Variants in ROR2 observed in about 807,000 individuals in gnomAD.
The protein encoded by ROR2 is ROR family WNT receptor 2.
ROR2 carries 33 observed loss-of-function variants against 74.9 expected under a neutral mutation model. The observed-to-expected ratio is 0.44, with a 90% confidence interval of 0.33 to 0.59. The LOEUF (loss-of-function observed/expected upper bound fraction) is 0.59, where lower values mean the gene tolerates loss of function less well. Among genes scored for constraint, ROR2 ranks in the 20% least tolerant of loss-of-function variants. The pLI, the probability that ROR2 is intolerant of heterozygous loss-of-function variation, is 0.02. For synonymous variants in ROR2, 586 were observed against 558.7 expected, an observed-to-expected ratio of 1.05 and a Z score of -0.69; for missense variants, 1,216 against 1,313.8, an observed-to-expected ratio of 0.93 and a Z score of 1.15.
intron 1 of ROR2, among the ~76,000 whole-genome samples, chr9:91,859,278 T>C (rs1250732614): frequency 6.8e-6 from 1 of 146,318 alleles, no homozygotes; most frequent in African/African-American, 2.6e-5. Context: ...CTTGGCTCAC[T>C]GCAACCACAG....
intron 1 of ROR2, among the ~76,000 whole-genome samples, chr9:91,915,328 C>T (rs1175495525): frequency 6.6e-6 from 1 of 152,188 alleles, no homozygotes; most frequent in African/African-American, 2.4e-5. Context: ...GGTGCATTTC[C>T]ATCTCCCAAT....
rs1334555626 is a variant in ROR2 at position 91,737,353 on chromosome 9, A to T, written c.622+38T>A. ...ATCTGTGCGACAGATGGCTGTGTGCATGCTTATCATCCTGGGAGAAAGGTC... is the reference window on the plus strand; with the variant it reads ...ATCTGTGCGACAGATGGCTGTGTGCTTGCTTATCATCCTGGGAGAAAGGTC... On this transcript the variant is annotated intron_variant, in intron 5 of 8. Coordinates refer to ENST00000375708, the MANE Select transcript of ROR2 (RefSeq NM_004560.4). 4 of 1,613,826 alleles carry T rather than the reference A, an allele frequency of 2.5e-6. No individual in the cohort carries two copies. In the African/African-American group the frequency reaches 4.0e-5, roughly 16 times the overall value.
chr9:91,756,124 C>A, intron 3 of ROR2, 23 bp from the exon 4 acceptor site: 1 of 1,612,278 alleles, frequency 6.2e-7, no homozygotes. Flanking sequence ...AACAAAAAGA[C>A]AAGTTATTAA....
intron 4 of ROR2, among the ~76,000 whole-genome samples, chr9:91,741,686 G>A (rs1825251787): frequency 1.3e-5 from 2 of 152,116 alleles, no homozygotes. Flanking sequence ...ATCTTATTAT[G>A]AGAGAGGCTG....
At chr9:91,777,589 T>G (rs1826463607) in intron 1 of ROR2, among the ~76,000 whole-genome samples, 1 of 152,052 alleles carries the variant, frequency 6.6e-6, no homozygotes, top group Non-Finnish European at 1.5e-5. Context: ...TGCAATTGAG[T>G]GGTTTTCAGT....
At chr9:91,943,833 T>C (rs1201644524) in intron 1 of ROR2, among the ~76,000 whole-genome samples, 1 of 152,172 alleles carries the variant, frequency 6.6e-6, no homozygotes, top group Non-Finnish European at 1.5e-5. Flanking sequence ...TGTAGAATGT[T>C]AGCATGTTCT....
At chr9:91,869,803 C>T (rs1386673832) in intron 1 of ROR2, among the ~76,000 whole-genome samples, 1 of 152,034 alleles carries the variant, frequency 6.6e-6, no homozygotes, top group Non-Finnish European at 1.5e-5. Flanking sequence ...AAATCTATTT[C>T]GGTGTACTAA....
intron 1 of ROR2, among the ~76,000 whole-genome samples, chr9:91,785,243 G>A (rs775258559): frequency 7.9e-5 from 12 of 152,064 alleles, no homozygotes; most frequent in African/African-American, 9.7e-5. Flanking sequence ...CATGTGGTTC[G>A]ACGCCTCACT....
intron 4 of ROR2, among the ~76,000 whole-genome samples, chr9:91,741,390 G>C (rs1015796882): frequency 5.9e-5 from 9 of 151,512 alleles, no homozygotes; most frequent in Admixed American, 5.3e-4. Flanking sequence ...AGGGGTAGGA[G>C]ATCAGGGAGA....
Position 91,744,328 on chromosome 9 carries a change from T to C in ROR2, c.495-6810A>G, listed in dbSNP as rs983790910. Among the ~76,000 whole-genome samples, 3 of 149,468 alleles carry C rather than the reference T, an allele frequency of 2.0e-5. No individual in the cohort carries two copies. In the Admixed American group the frequency reaches 2.1e-4, roughly 10 times the overall value. ...GCCACCTCCACCTCCTGGAGGTTGA[T>C]TCTTCTGCCCAGCTTCCCAAGTAGC... On this transcript the variant is annotated intron_variant, in intron 4 of 8. Transcript: ENST00000375708.
At chr9:91,935,763 C>T (rs1253895998) in intron 1 of ROR2, among the ~76,000 whole-genome samples, 1 of 152,174 alleles carries the variant, frequency 6.6e-6, no homozygotes, top group Non-Finnish European at 1.5e-5. Flanking sequence ...ATCATGTACC[C>T]CAAGCACAGC....
intron 1 of ROR2, among the ~76,000 whole-genome samples, chr9:91,795,999 G>A (rs1827153765): frequency 6.6e-6 from 1 of 152,172 alleles, no homozygotes; most frequent in Admixed American, 6.5e-5. Flanking sequence ...ACAAGTGCTG[G>A]TGGCACTCCC....
chr9:91,934,347 T>C (rs1188258928), intron 1 of ROR2, among the ~76,000 whole-genome samples: 3 of 152,194 alleles, frequency 2.0e-5, no homozygotes, highest in African/African-American at 7.2e-5. Flanking sequence ...CACTTAGAGA[T>C]ATCTGCCTCC....
chr9:91,825,508 A>G (rs1828259123), intron 1 of ROR2, among the ~76,000 whole-genome samples: 1 of 152,212 alleles, frequency 6.6e-6, no homozygotes, highest in African/African-American at 2.4e-5. Context: ...CATTGCCCAG[A>G]CGATGCAGAA....
intron 1 of ROR2, among the ~76,000 whole-genome samples, chr9:91,920,594 G>T (rs1354933408): frequency 2.6e-5 from 4 of 152,192 alleles, no homozygotes; most frequent in African/African-American, 9.6e-5. Context: ...AGGTGAGGAA[G>T]CCTAGCATTT....
chr9:91,915,952 C>G (rs1831122111), intron 1 of ROR2, among the ~76,000 whole-genome samples: 1 of 152,222 alleles, frequency 6.6e-6, no homozygotes, highest in African/African-American at 2.4e-5. Flanking sequence ...AAATGAGGGG[C>G]AGGCGAGGCA....
intron 2 of ROR2, among the ~76,000 whole-genome samples, chr9:91,760,477 A>C (rs977916889): frequency 6.6e-6 from 1 of 151,694 alleles, no homozygotes; most frequent in Non-Finnish European, 1.5e-5. Flanking sequence ...ACTAAAAATA[A>C]AAAAAAATTA....
rs778409919 is a variant in ROR2, at chr9:91,723,685, C to T, written c.2809G>A (p.Ala937Thr). The change falls in exon 9 of 9, where the codon GCC (alanine) becomes ACC (threonine). Residue 937 changes from alanine (A) to threonine (T), a missense_variant. By Grantham distance (58) the Ala-to-Thr change is moderately conservative (BLOSUM62 0). Coordinates refer to ENST00000375708, the MANE Select transcript of ROR2 (RefSeq NM_004560.4). ...ACTCAAGCTTCCAGCTGGACTTGGGCCTCGTCCACCTGCAGAGTGTCACAG... is the reference window on the plus strand; with the variant it reads ...ACTCAAGCTTCCAGCTGGACTTGGGTCTCGTCCACCTGCAGAGTGTCACAG... ...GDCDTLQVDEAQVQLEA is the reference protein window; with the variant it reads ...GDCDTLQVDETQVQLEA 3.1e-6 allele frequency: 5 copies of T among 1,613,826 alleles called. No homozygotes were observed. In the Admixed American group the frequency reaches 8.3e-5, roughly 27 times the overall value.
At chr9:91,745,436 T>TA (rs1173424575) in intron 4 of ROR2, among the ~76,000 whole-genome samples, 2 of 144,100 alleles carry the variant, frequency 1.4e-5, no homozygotes, top group East Asian at 4.1e-4. Context: ...ATTTTTTTTT[T>TA]TTTTTTTTTT....
Sources: allele counts gnomAD v4.1 joint callset (sites outside exome capture counted in the v4.1 genomes callset), GRCh38; gene constraint gnomAD v4.1.1; transcripts MANE v1.5; gene names NCBI Gene and HGNC (gene_info 2026-07-23, HGNC 2026-07-21).